GALNT2: variants seen among roughly 807,000 people sequenced by gnomAD.
GALNT2 encodes the protein UDP-GalNAc:polypeptide N-acetylgalactosaminyltransferase 2.
A neutral mutation model predicts 81.4 loss-of-function variants in GALNT2; 31 were observed. The ratio of observed to expected loss-of-function variants is 0.38; its 90% CI spans 0.29 to 0.51. The LOEUF (loss-of-function observed/expected upper bound fraction) is 0.51, where lower values mean the gene tolerates loss of function less well. Among genes scored for constraint, GALNT2 ranks in the 20% least tolerant of loss-of-function variants. GALNT2 has a pLI of 0.87. For synonymous variants in GALNT2, 303 were observed against 287.4 expected, an observed-to-expected ratio of 1.05 and a Z score of -0.55; for missense variants, 629 against 765.7, an observed-to-expected ratio of 0.82 and a Z score of 2.11.
chr1:230,187,661 A>G (rs1162267927), intron 2 of GALNT2, among the ~76,000 whole-genome samples: 1 of 152,244 alleles, frequency 6.6e-6, no homozygotes, highest in Non-Finnish European at 1.5e-5. Context: ...TCCGGTGTCC[A>G]GGAAGAATCA....
chr1:230,241,319 ATG>A (rs1454582773), intron 6 of GALNT2, among the ~76,000 whole-genome samples: 6 of 152,040 alleles, frequency 3.9e-5, no homozygotes, highest in Admixed American at 2.6e-4. Context: ...ACACTGGATT[ATG>A]TTATCTTTCT....
At chr1:230,110,943 C>T (rs569148282) in intron 1 of GALNT2, among the ~76,000 whole-genome samples, 1 of 152,258 alleles carries the variant, frequency 6.6e-6, no homozygotes, top group African/African-American at 2.4e-5. Context: ...CCACCATTGC[C>T]AGGCAGAAGC....
At chr1:230,105,075 A>G (rs866944525) in intron 1 of GALNT2, among the ~76,000 whole-genome samples, 2 of 152,188 alleles carry the variant, frequency 1.3e-5, no homozygotes, top group Non-Finnish European at 2.9e-5. Flanking sequence ...CTGATGCCAG[A>G]GGCTGGGGGT....
At chr1:230,087,930 G>T (rs549872863) in intron 1 of GALNT2, among the ~76,000 whole-genome samples, 1 of 152,268 alleles carries the variant, frequency 6.6e-6, no homozygotes, top group South Asian at 2.1e-4. Context: ...TAAAAACGAT[G>T]AACAGCAGAT....
chr1:230,237,773 C>G (rs1430472810), intron 6 of GALNT2, among the ~76,000 whole-genome samples: 1 of 151,994 alleles, frequency 6.6e-6, no homozygotes, highest in African/African-American at 2.4e-5. Flanking sequence ...CCCTAAACAC[C>G]TTCAAAATAA....
intron 1 of GALNT2, among the ~76,000 whole-genome samples, chr1:230,167,042 G>T (rs1233943647): frequency 1.3e-5 from 2 of 151,374 alleles, no homozygotes; most frequent in African/African-American, 4.8e-5. Flanking sequence ...TTTCCATTTC[G>T]TTTGTAACCC....
intron 1 of GALNT2, among the ~76,000 whole-genome samples, chr1:230,174,654 C>T (rs375555733): frequency 6.6e-6 from 1 of 152,134 alleles, no homozygotes; most frequent in Admixed American, 6.5e-5. Flanking sequence ...CACCTGTCTC[C>T]GCTCTGTCCC....
Position 230,129,222 on chromosome 1 carries a change from C to T in GALNT2, c.127-48996C>T, listed in dbSNP as rs1337462985. ...AGGATTCAAAGCCAAATTCTGACTG[C>T]AGATATGCTGCGAATTTTTCTGTTT... On this transcript the variant is annotated intron_variant, in intron 1 of 15. Transcript: ENST00000366672. Among the ~76,000 whole-genome samples, 3 of 152,252 alleles carry T rather than the reference C, an allele frequency of 2.0e-5. No homozygotes were observed. The East Asian group carries it at 5.8e-4, about 29-fold the overall frequency.
At chr1:230,080,990 C>T (rs534482959) in intron 1 of GALNT2, among the ~76,000 whole-genome samples, 6 of 152,248 alleles carry the variant, frequency 3.9e-5, no homozygotes, top group Middle Eastern at 3.4e-3. Context: ...TGTGACACGT[C>T]GCAGGCATTC....
At chr1:230,071,212 T>TA (rs1288807558) in intron 1 of GALNT2, among the ~76,000 whole-genome samples, 1 of 152,236 alleles carries the variant, frequency 6.6e-6, no homozygotes, top group Non-Finnish European at 1.5e-5. Flanking sequence ...TTCTTTTTTT[T>TA]ATCCGTTACC....
Position 230,243,536 on chromosome 1 carries a change from C to T in GALNT2, c.729+109C>T. Reference sequence around the variant, plus strand: ...TAACGCAGGGAGTAGGGCGTCAGGGCTGGTAGGGGCTGAGCTCGCCGTCTG... The same window carrying T: ...TAACGCAGGGAGTAGGGCGTCAGGGTTGGTAGGGGCTGAGCTCGCCGTCTG... On this transcript the variant is annotated intron_variant, in intron 7 of 15. Coordinates refer to ENST00000366672, the MANE Select transcript of GALNT2 (RefSeq NM_004481.5). This position sits in a 1 kb window ranked among gnomAD's most constrained non-coding sequence, Gnocchi z 4.2. The T allele has an allele frequency of 1.5e-6, 2 of 1,364,340 alleles. No homozygotes were observed. The highest frequency in any genetic ancestry group is 2.0e-6 in the Non-Finnish European group (2 of 1,025,272). 84.5% of individuals were successfully genotyped at this position (1,364,340 alleles called of 1,614,324 possible).
At chr1:230,263,917 T>C (rs1304661229) in intron 13 of GALNT2, 1 of 152,252 alleles carries the variant, frequency 6.6e-6, no homozygotes, top group Non-Finnish European at 1.5e-5. Context: ...CTCTCTCTGT[T>C]GCTCCTGTTC....
chr1:230,228,820 A>G (rs951918843), intron 3 of GALNT2, among the ~76,000 whole-genome samples: 3 of 152,212 alleles, frequency 2.0e-5, no homozygotes, highest in South Asian at 4.1e-4. Flanking sequence ...TTCAAGTTCC[A>G]TGAAAAAACC....
intron 6 of GALNT2, 69 bp downstream of exon 6, chr1:230,236,794 T>G: frequency 1.4e-6 from 2 of 1,471,806 alleles, no homozygotes; most frequent in South Asian, 1.2e-5. Context: ...CATAAAGAAG[T>G]GCTTTAGCTC....
chr1:230,071,920 G>A (rs937789318), intron 1 of GALNT2, among the ~76,000 whole-genome samples: 8 of 152,168 alleles, frequency 5.3e-5, no homozygotes, highest in East Asian at 1.9e-4. Flanking sequence ...CAAAAGTAAC[G>A]AGCTCTTCCC....
At chr1:230,192,621 C>G (rs1663565828) in intron 2 of GALNT2, among the ~76,000 whole-genome samples, 1 of 152,196 alleles carries the variant, frequency 6.6e-6, no homozygotes, top group African/African-American at 2.4e-5. Context: ...TAGGATGATT[C>G]ATACATGAAG....
chr1:230,207,072 G>A (rs1184410784), intron 3 of GALNT2, among the ~76,000 whole-genome samples: 7 of 151,374 alleles, frequency 4.6e-5, no homozygotes, highest in Middle Eastern at 3.4e-3. Context: ...TTTTTCTTCC[G>A]AATAGTGAGT....
intron 1 of GALNT2, among the ~76,000 whole-genome samples, chr1:230,173,521 A>G (rs1662863792): frequency 6.6e-6 from 1 of 152,206 alleles, no homozygotes; most frequent in African/African-American, 2.4e-5. Context: ...CATCCTGGGA[A>G]ATCAAAGCGG....
At chr1:230,252,843 CTTTTTTT>C (rs58544942) in intron 10 of GALNT2, among the ~76,000 whole-genome samples, 3 of 78,946 alleles carry the variant, frequency 3.8e-5, no homozygotes, top group South Asian at 5.2e-4. Flanking sequence ...GAGACAACTT[CTTTTTTT>C]TTTTTTTTTT....
Sources: allele counts gnomAD v4.1 joint callset (sites outside exome capture counted in the v4.1 genomes callset), GRCh38; gene constraint gnomAD v4.1.1; non-coding constraint Gnocchi (gnomAD v3.1); transcripts MANE v1.5; gene names NCBI Gene and HGNC (gene_info 2026-07-23, HGNC 2026-07-21).